Variants in ITGAV observed in about 807,000 individuals in gnomAD.
ITGAV encodes the protein integrin alpha-V.
ITGAV carries 76 observed loss-of-function variants against 143.8 expected under a neutral mutation model. The ratio of observed to expected loss-of-function variants is 0.53; its 90% CI spans 0.44 to 0.64. ITGAV has a LOEUF of 0.64. Among genes scored for constraint, ITGAV ranks in the 30% least tolerant of loss-of-function variants. The pLI, the probability that ITGAV is intolerant of heterozygous loss-of-function variation, is 0.00. For missense variants in ITGAV, 1,193 were observed against 1,274.7 expected, an observed-to-expected ratio of 0.94 and a Z score of 0.98; for synonymous variants, 453 against 446.7, an observed-to-expected ratio of 1.01 and a Z score of -0.18.
Position 186,677,454 on chromosome 2 carries a change from TATAA to T in ITGAV, c.*167_*170del, listed in dbSNP as rs1321291605. 6.9e-6 allele frequency: 4 copies of T among 578,070 alleles called. No individual in the cohort carries two copies. In the African/African-American group the frequency reaches 7.5e-5, roughly 11 times the overall value. 35.8% of individuals were successfully genotyped at this position (578,070 alleles called of 1,614,324 possible). On this transcript the variant is annotated 3_prime_UTR_variant, in exon 30 of 30. Transcript: ENST00000261023. ...GAATTATATTTGTCAACCTTCTCCT[TATAA>T]ATAAGTTCAGACATACATTTAATAA...
chr2:186,590,600 T>C, intron 1 of ITGAV, 77 bp downstream of exon 1: 4 of 1,362,498 alleles, frequency 2.9e-6, no homozygotes, highest in Non-Finnish European at 4.0e-6. Flanking sequence ...TCCATTGGGA[T>C]TGATTTCCGA....
chr2:186,648,078 C>T (rs903437423), intron 13 of ITGAV, among the ~76,000 whole-genome samples: 3 of 152,100 alleles, frequency 2.0e-5, no homozygotes, highest in African/African-American at 7.2e-5. Context: ...GTTTCAGAAA[C>T]ATTTCTTTAT....
At chr2:186,616,147 T>C (rs1483036227) in intron 2 of ITGAV, among the ~76,000 whole-genome samples, 1 of 152,180 alleles carries the variant, frequency 6.6e-6, no homozygotes, top group Admixed American at 6.5e-5. Context: ...ATGTACTGTT[T>C]ATGTACTACT....
At chr2:186,640,135 C>T (rs931386752) in intron 10 of ITGAV, among the ~76,000 whole-genome samples, 1 of 152,160 alleles carries the variant, frequency 6.6e-6, no homozygotes, top group Non-Finnish European at 1.5e-5. Context: ...TATATTTAAT[C>T]TGTCATCTCT....
chr2:186,678,923 T>C lies in ITGAV; in HGVS notation c.*1631T>C. The stretch of plus-strand genomic sequence containing the variant: ...AAGTTGACTGAGCTAATCTTGAGAA[T>C]ATATTCGTAAAATAGGAGCACATTT... On this transcript the variant is annotated 3_prime_UTR_variant, in exon 30 of 30. Coordinates refer to ENST00000261023, the MANE Select transcript of ITGAV (RefSeq NM_002210.5). 2.8e-6 allele frequency: 1 copy of C among 357,856 alleles called. No individual in the cohort carries two copies. The allele number at this position is 357,856 out of a possible 1,614,324, so 22.2% of individuals were successfully genotyped here. A position where few individuals can be genotyped will look rare whatever the true frequency, so the allele number is the denominator to read the frequency against.
At chr2:186,601,461 TAA>T (rs113707694) in intron 1 of ITGAV, among the ~76,000 whole-genome samples, 2 of 145,394 alleles carry the variant, frequency 1.4e-5, no homozygotes, top group African/African-American at 5.0e-5. Flanking sequence ...CTGTGTCTCT[TAA>T]AAAAAAAAAA....
intron 2 of ITGAV, among the ~76,000 whole-genome samples, chr2:186,612,972 A>G (rs1452008928): frequency 1.3e-5 from 2 of 152,106 alleles, no homozygotes; most frequent in Non-Finnish European, 2.9e-5. Flanking sequence ...CAATTTAGAA[A>G]TCTTTTAGTC....
At chr2:186,627,196 C>A (rs1687698016) in intron 4 of ITGAV, among the ~76,000 whole-genome samples, 1 of 151,992 alleles carries the variant, frequency 6.6e-6, no homozygotes, top group African/African-American at 2.4e-5. Context: ...AGCAAGCCAC[C>A]CACTCTGGAG....
intron 22 of ITGAV, 62 bp from the exon 23 acceptor site, chr2:186,667,088 C>A: frequency 7.9e-7 from 1 of 1,263,268 alleles, no homozygotes; most frequent in African/African-American, 1.5e-5. Flanking sequence ...ACTGGGTTTG[C>A]CTCTGTATGT....
Position 186,677,208 on chromosome 2 carries a change from TA to T in ITGAV, c.3066del (p.Lys1022AsnfsTer32). ...TCTTCAACTGACAGATGGGCTTTTT[TA>T]AACGGGTCCGGCCACCTCAAGAAGA... ...VFVMYRMGFF[K>X]RVRPPQEEQE... On this transcript the variant is annotated frameshift_variant, in exon 30 of 30. Coordinates refer to ENST00000261023, the MANE Select transcript of ITGAV (RefSeq NM_002210.5). LOFTEE classifies it high-confidence loss of function. 1 of 1,613,760 alleles carries T rather than the reference TA, an allele frequency of 6.2e-7. No individual in the cohort carries two copies. The highest frequency in any genetic ancestry group is 8.5e-7 in the Non-Finnish European group (1 of 1,179,802).
At chr2:186,630,898 C>A in intron 5 of ITGAV, 40 bp downstream of exon 5, 1 of 1,078,994 alleles carries the variant, frequency 9.3e-7, no homozygotes, top group Non-Finnish European at 1.4e-6. Context: ...TCACATCTAC[C>A]TTATTGACTA....
Position 186,601,277 on chromosome 2 carries a change from G to A in ITGAV, c.186-744G>A, listed in dbSNP as rs992555105. The stretch of plus-strand genomic sequence containing the variant: ...AAAAATTAAGCCTAGGCAATGTGGC[G>A]AGACCCCACCCCTACAGAAAATTTA... On this transcript the variant is annotated intron_variant, in intron 1 of 29. Coordinates refer to ENST00000261023, the MANE Select transcript of ITGAV (RefSeq NM_002210.5). Among the ~76,000 whole-genome samples the A allele has an allele frequency of 4.6e-5, 7 of 151,364 alleles. 1 individual carries two copies. Among genetic ancestry groups the A allele is most frequent in the Non-Finnish European group, 8.8e-5 (6 of 67,846 alleles).
intron 26 of ITGAV, among the ~76,000 whole-genome samples, chr2:186,670,214 T>C (rs1689026843): frequency 6.6e-6 from 1 of 152,190 alleles, no homozygotes; most frequent in South Asian, 2.1e-4. Flanking sequence ...GCTATAATGT[T>C]TTTAAAGGCA....
chr2:186,619,160 T>G (rs1018521286), intron 2 of ITGAV, among the ~76,000 whole-genome samples: 1 of 150,868 alleles, frequency 6.6e-6, no homozygotes, highest in African/African-American at 2.4e-5. Context: ...GTCTCCTGTC[T>G]GTGTTCAGGA....
At chr2:186,646,252 T>G (rs1426381377) in intron 12 of ITGAV, among the ~76,000 whole-genome samples, 1 of 152,170 alleles carries the variant, frequency 6.6e-6, no homozygotes, top group Non-Finnish European at 1.5e-5. Flanking sequence ...CATCCATAAA[T>G]AAATTATCTA....
In ITGAV at chr2:186,679,340, G is replaced by A. The variant is rs1689293671; in HGVS notation, c.*2048G>A. On this transcript the variant is annotated 3_prime_UTR_variant, in exon 30 of 30. Transcript: ENST00000261023. ...CTTGTATTGGAGATTGAAAGATGCT[G>A]TAATTTAGAAATTAACATGATATCT... 6.6e-6 allele frequency: 1 copy of A among 151,892 alleles called. No homozygotes were observed. The highest frequency in any genetic ancestry group is 1.5e-5 in the Non-Finnish European group (1 of 67,848). 9.4% of individuals were successfully genotyped at this position (151,892 alleles called of 1,614,324 possible).
rs1689273097 is a variant in ITGAV at position 186,678,483 on chromosome 2, TA to T, written c.*1195del. 1 of 233,532 alleles carries T rather than the reference TA, an allele frequency of 4.3e-6. No homozygotes were observed. The highest frequency in any genetic ancestry group is 2.3e-5 in the African/African-American group (1 of 42,942). 14.5% of individuals were successfully genotyped at this position (233,532 alleles called of 1,614,324 possible). On this transcript the variant is annotated 3_prime_UTR_variant, in exon 30 of 30. Transcript: ENST00000261023. ...ACCTCTGTTTAAGCAAGGTAATGTG[TA>T]AAATCAGTCTCGGCTGTCAGAATAA...
intron 14 of ITGAV, 92 bp from the exon 15 acceptor site, chr2:186,651,890 T>G (rs1372188312): frequency 9.1e-6 from 6 of 659,544 alleles, no homozygotes; most frequent in Non-Finnish European, 1.6e-5. Context: ...GACATGGTAC[T>G]ATATATGTAG....
At chr2:186,662,833 C>G (rs929685648) in intron 18 of ITGAV, among the ~76,000 whole-genome samples, 1 of 151,972 alleles carries the variant, frequency 6.6e-6, no homozygotes, top group Non-Finnish European at 1.5e-5. Flanking sequence ...TCCGGACATT[C>G]CTTGTGACTT....
Sources: allele counts gnomAD v4.1 joint callset (sites outside exome capture counted in the v4.1 genomes callset), GRCh38; gene constraint gnomAD v4.1.1; transcripts MANE v1.5; gene names NCBI Gene and HGNC (gene_info 2026-07-23, HGNC 2026-07-21).